PCLO: variants seen among roughly 807,000 people sequenced by gnomAD.
PCLO encodes protein piccolo.
In PCLO, 82 loss-of-function variants were observed where a neutral mutation model predicts 427.5. The observed-to-expected ratio is 0.19, with a 90% CI of 0.16 to 0.23. PCLO has a LOEUF of 0.23. Ranked by LOEUF, PCLO falls within the 10% of genes least tolerant of loss-of-function variation. PCLO has a pLI of 1.00. For synonymous variants in PCLO, 2,357 were observed against 2,155.4 expected, an observed-to-expected ratio of 1.09 and a Z score of -2.59; for missense variants, 6,239 against 6,115.9, an observed-to-expected ratio of 1.02 and a Z score of -0.67.
intron 10 of PCLO, 145 bp downstream of exon 10, chr7:82,879,192 T>C (rs1050924454): frequency 3.7e-6 from 2 of 547,278 alleles, no homozygotes; most frequent in Non-Finnish European, 6.1e-6. Context: ...TTTTCTTTCA[T>C]ATTACTATAC....
rs1191242225 is a variant in PCLO, at chr7:83,006,693, G to A, written c.3301-40206C>T. Among the ~76,000 whole-genome samples the A allele has an allele frequency of 2.0e-5, 3 of 151,408 alleles. No homozygotes were observed. The East Asian group carries it at 5.8e-4, about 29-fold the overall frequency. ...GTTGTATACTTGAATTTCATAATGG[G>A]GAAATTGCATGGATCATACTTTATA... On this transcript the variant is annotated intron_variant, in intron 3 of 24. Coordinates refer to ENST00000333891, the MANE Select transcript of PCLO (RefSeq NM_033026.6).
At chr7:83,011,334 G>GTT (rs1019813836) in intron 3 of PCLO, among the ~76,000 whole-genome samples, 2 of 151,574 alleles carry the variant, frequency 1.3e-5, no homozygotes, top group Non-Finnish European at 2.9e-5. Context: ...TTGTATACTT[G>GTT]TTTTAAACAT....
intron 3 of PCLO, among the ~76,000 whole-genome samples, chr7:82,994,373 CAGGAA>C: frequency 6.6e-6 from 1 of 151,656 alleles, no homozygotes; most frequent in Admixed American, 6.6e-5. Context: ...CTTAGATATT[CAGGAA>C]AGGAAAGTCT....
chr7:82,943,033 A>C (rs1057211652), intron 6 of PCLO, among the ~76,000 whole-genome samples: 9 of 152,152 alleles, frequency 5.9e-5, no homozygotes, highest in African/African-American at 2.2e-4. Context: ...ATTATTTCTT[A>C]AATCATTATA....
chr7:82,848,891 T>A (rs958180242), intron 10 of PCLO: 4 of 398,612 alleles, frequency 1.0e-5, no homozygotes, highest in East Asian at 7.3e-5. Context: ...TATCTTCAGA[T>A]GGGCCTTAGG....
intron 2 of PCLO, among the ~76,000 whole-genome samples, chr7:83,139,041 A>C (rs2116630990): frequency 6.6e-6 from 1 of 152,322 alleles, no homozygotes; most frequent in East Asian, 1.9e-4. Flanking sequence ...AGAGAAAACA[A>C]TTATCTTTAT....
At chr7:83,002,300 G>T in intron 3 of PCLO, among the ~76,000 whole-genome samples, 1 of 151,264 alleles carries the variant, frequency 6.6e-6, no homozygotes, top group Admixed American at 6.6e-5. Flanking sequence ...TATCTCTTAG[G>T]CTATAACTAT....
At chr7:83,026,536 G>C (rs1442197883) in intron 3 of PCLO, among the ~76,000 whole-genome samples, 1 of 151,580 alleles carries the variant, frequency 6.6e-6, no homozygotes, top group African/African-American at 2.4e-5. Context: ...GTCAACATTA[G>C]ACAGATCAAC....
intron 22 of PCLO, among the ~76,000 whole-genome samples, chr7:82,770,694 A>C (rs981430965): frequency 2.0e-5 from 3 of 151,896 alleles, no homozygotes; most frequent in African/African-American, 7.2e-5. Flanking sequence ...TTTACCTAAC[A>C]TGCTGAAATT....
chr7:82,908,426 A>G (rs1794243342), intron 8 of PCLO, among the ~76,000 whole-genome samples: 2 of 152,228 alleles, frequency 1.3e-5, no homozygotes, highest in South Asian at 4.1e-4. Context: ...ATCCACTAAA[A>G]TATCAGCTTC....
intron 3 of PCLO, among the ~76,000 whole-genome samples, chr7:83,090,074 G>A (rs1040042865): frequency 1.3e-5 from 2 of 152,250 alleles, no homozygotes; most frequent in East Asian, 1.9e-4. Flanking sequence ...GGAGGCCGAG[G>A]TGGACGGATC....
chr7:82,791,111 G>A (rs1184132336), intron 22 of PCLO, among the ~76,000 whole-genome samples: 1 of 152,126 alleles, frequency 6.6e-6, no homozygotes, highest in Non-Finnish European at 1.5e-5. Flanking sequence ...TTATTATAAA[G>A]GATTCCTGTG....
intron 3 of PCLO, among the ~76,000 whole-genome samples, chr7:83,048,863 A>C (rs908557664): frequency 2.6e-5 from 4 of 152,170 alleles, no homozygotes; most frequent in Non-Finnish European, 5.9e-5. Context: ...TTCTGAGCCC[A>C]CTATAATACA....
At chr7:83,056,372 T>A (rs1789379690) in intron 3 of PCLO, among the ~76,000 whole-genome samples, 1 of 152,136 alleles carries the variant, frequency 6.6e-6, no homozygotes, top group South Asian at 2.1e-4. Context: ...TTCTAAAATG[T>A]TAGAGTTTAA....
intron 11 of PCLO, 37 bp downstream of exon 11, chr7:82,847,102 C>A: frequency 8.5e-7 from 1 of 1,178,260 alleles, no homozygotes; most frequent in Non-Finnish European, 1.2e-6. Context: ...TCATGGATAG[C>A]CAAAAAATGG....
Position 83,135,629 on chromosome 7 carries a change from G to A in PCLO, c.1921C>T (p.Gln641Ter). The A allele has an allele frequency of 6.2e-7, 1 of 1,606,658 alleles. No homozygotes were observed. Among genetic ancestry groups the A allele is most frequent in the South Asian group, 1.1e-5 (1 of 89,950 alleles). ...EVKEWLCLNC[Q>*]MKRALGGDLA... ...TCCCCGCCTAGAGCTCTTTTCATTT[G>A]ACAGTTCAAACAGAGCCACTCTTTT... is the stretch of plus-strand genomic sequence containing the variant. The change falls in exon 3 of 25, where the codon CAA (glutamine) becomes TAA (stop). Residue 641 changes from glutamine to a stop codon, truncating the protein, a stop_gained. Coordinates refer to ENST00000333891, the MANE Select transcript of PCLO (RefSeq NM_033026.6). LOFTEE classifies it high-confidence loss of function.
intron 3 of PCLO, among the ~76,000 whole-genome samples, chr7:83,031,034 C>T (rs2116143223): frequency 6.6e-6 from 1 of 152,228 alleles, no homozygotes; most frequent in Non-Finnish European, 1.5e-5. Flanking sequence ...ATTCCTTGGC[C>T]ACCTCTGTTT....
chr7:82,836,842 T>C (rs919071054), intron 15 of PCLO, among the ~76,000 whole-genome samples: 1 of 152,120 alleles, frequency 6.6e-6, no homozygotes, highest in Non-Finnish European at 1.5e-5. Flanking sequence ...TAGCTCTAAT[T>C]TGGATCCTGT....
At chr7:83,036,126 C>T (rs971134299) in intron 3 of PCLO, among the ~76,000 whole-genome samples, 2 of 152,158 alleles carry the variant, frequency 1.3e-5, no homozygotes, top group African/African-American at 4.8e-5. Flanking sequence ...AATCTTACTG[C>T]TTCCTAAGCA....
Sources: allele counts gnomAD v4.1 joint callset (sites outside exome capture counted in the v4.1 genomes callset), GRCh38; gene constraint gnomAD v4.1.1; transcripts MANE v1.5; gene names NCBI Gene and HGNC (gene_info 2026-07-23, HGNC 2026-07-21).